RGS7BP: variants seen among roughly 807,000 people sequenced by gnomAD.
The protein encoded by RGS7BP is regulator of G protein signaling 7-binding protein.
A neutral mutation model predicts 31.3 loss-of-function variants in RGS7BP; 9 were observed. The observed-to-expected ratio is 0.29, with a 90% CI of 0.17 to 0.50. The LOEUF is 0.50. Ranked by LOEUF, RGS7BP falls within the 20% of genes least tolerant of loss-of-function variation. RGS7BP has a pLI of 0.98. For missense variants in RGS7BP, 274 were observed against 322.0 expected, an observed-to-expected ratio of 0.85 and a Z score of 1.14; for synonymous variants, 115 against 120.1, an observed-to-expected ratio of 0.96 and a Z score of 0.28.
At chr5:64,523,195 T>A (rs1466791648) in intron 2 of RGS7BP, among the ~76,000 whole-genome samples, 1 of 152,018 alleles carries the variant, frequency 6.6e-6, no homozygotes, top group Non-Finnish European at 1.5e-5. Context: ...GGGCCCCAGG[T>A]AGGTGAAGCA....
chr5:64,575,915 T>A lies in RGS7BP; in HGVS notation c.463+11T>A. On this transcript the variant is annotated intron_variant, in intron 3 of 5. Coordinates refer to ENST00000334025, the MANE Select transcript of RGS7BP (RefSeq NM_001029875.3). ...AGTTTCATCGAAAAGGTATCTACAT[T>A]TAATATTGCCGGAAACACTGAGGAA... 1 of 1,603,914 alleles carries A rather than the reference T, an allele frequency of 6.2e-7. No individual in the cohort carries two copies. Among genetic ancestry groups the A allele is most frequent in the Non-Finnish European group, 8.5e-7 (1 of 1,175,892 alleles).
At chr5:64,554,301 G>T (rs1741869963) in intron 2 of RGS7BP, among the ~76,000 whole-genome samples, 1 of 152,240 alleles carries the variant, frequency 6.6e-6, no homozygotes, top group Admixed American at 6.5e-5. Flanking sequence ...CCTTTCAGGT[G>T]CCAGGAACCT....
intron 2 of RGS7BP, among the ~76,000 whole-genome samples, chr5:64,552,237 T>C (rs1741812036): frequency 6.6e-6 from 1 of 152,128 alleles, no homozygotes. Context: ...CCTAAAATGG[T>C]ATTTTAAACT....
chr5:64,566,873 G>T (rs1394603246), intron 2 of RGS7BP, among the ~76,000 whole-genome samples: 2 of 151,922 alleles, frequency 1.3e-5, no homozygotes, highest in Non-Finnish European at 1.5e-5. Flanking sequence ...TCTAAAAACT[G>T]GGATTTCAGG....
In RGS7BP at chr5:64,565,191, A is replaced by G. The variant is rs572600329; in HGVS notation, c.333-10583A>G. Among the ~76,000 whole-genome samples the G allele has an allele frequency of 1.2e-4, 18 of 152,248 alleles. No individual in the cohort carries two copies. The South Asian group carries it at 3.3e-3, about 28-fold the overall frequency. On this transcript the variant is annotated intron_variant, in intron 2 of 5. Transcript: ENST00000334025. ...CTATCAGCTAGGCACTGTTATCCTC[A>G]ATTTATAGATAAGAAAACTAAGACT...
chr5:64,513,377 G>C (rs773107871), intron 2 of RGS7BP, among the ~76,000 whole-genome samples: 1 of 151,884 alleles, frequency 6.6e-6, no homozygotes, highest in Non-Finnish European at 1.5e-5. Flanking sequence ...TTTCTGGGGG[G>C]GTTGGGGTGG....
At chr5:64,528,974 C>CGTTGT (rs1749304344) in intron 2 of RGS7BP, among the ~76,000 whole-genome samples, 2 of 152,014 alleles carry the variant, frequency 1.3e-5, no homozygotes, top group Non-Finnish European at 2.9e-5. Flanking sequence ...ATTATTATTA[C>CGTTGT]AACGTATTCC....
At chr5:64,527,063 A>T (rs1348308534) in intron 2 of RGS7BP, among the ~76,000 whole-genome samples, 1 of 152,230 alleles carries the variant, frequency 6.6e-6, no homozygotes, top group East Asian at 1.9e-4. Flanking sequence ...ACGAAAATGG[A>T]CCAAGAAGTT....
rs565647400 is a variant in RGS7BP at position 64,563,284 on chromosome 5, T to C, written c.333-12490T>C. On this transcript the variant is annotated intron_variant, in intron 2 of 5. Coordinates refer to ENST00000334025, the MANE Select transcript of RGS7BP (RefSeq NM_001029875.3). Reference sequence around the variant, plus strand: ...GGTATGGTTTCTTAAATTCATCAACTGCTTTTTCAAATAGCAATGTTATGA... The same window carrying C: ...GGTATGGTTTCTTAAATTCATCAACCGCTTTTTCAAATAGCAATGTTATGA... Among the ~76,000 whole-genome samples, 3 of 152,256 alleles carry C rather than the reference T, an allele frequency of 2.0e-5. No individual in the cohort carries two copies. The South Asian group carries it at 6.2e-4, about 32-fold the overall frequency.
Position 64,506,666 on chromosome 5 carries a change from G to GGT in RGS7BP, c.42_43insGT (p.Ser15ValfsTer119). The GGT allele has an allele frequency of 1.2e-6, 2 of 1,612,650 alleles. No homozygotes were observed. The highest frequency in any genetic ancestry group is 1.7e-6 in the Non-Finnish European group (2 of 1,178,948). The stretch of plus-strand genomic sequence containing the variant: ...ATGGGCGCAAAAAGCGCCCCAGCCG[G>GGT]TCCACCCGCTCCTCGATCTTCCAGA... On this transcript the variant is annotated frameshift_variant, in exon 1 of 6. Transcript: ENST00000334025. LOFTEE classifies it high-confidence loss of function. This position sits in a 1 kb window ranked among gnomAD's most constrained non-coding sequence, Gnocchi z 4.6.
rs1419432167 is a variant in RGS7BP at position 64,599,340 on chromosome 5, TTTTC to T, written c.682+906_682+909del. 3.9e-5 allele frequency among the ~76,000 whole-genome samples: 6 copies of T among 152,234 alleles called. No homozygotes were observed. In the East Asian group the frequency reaches 1.2e-3, roughly 29 times the overall value. On this transcript the variant is annotated intron_variant, in intron 5 of 5. Transcript: ENST00000334025. Reference sequence around the variant, plus strand: ...GGAGGCAAGAAAGAAACTCTTCTTGTTTTCAGTGAGCAAAGCCTGATGGGAGGGA... The same window carrying T: ...GGAGGCAAGAAAGAAACTCTTCTTGTAGTGAGCAAAGCCTGATGGGAGGGA...
intron 3 of RGS7BP, among the ~76,000 whole-genome samples, chr5:64,578,101 A>G (rs1054296828): frequency 1.3e-5 from 2 of 152,138 alleles, no homozygotes; most frequent in Non-Finnish European, 2.9e-5. Context: ...CCCCATCCAG[A>G]CTGCTTTCTT....
chr5:64,569,388 A>G (rs1561338178), intron 2 of RGS7BP, among the ~76,000 whole-genome samples: 1 of 152,168 alleles, frequency 6.6e-6, no homozygotes, highest in Non-Finnish European at 1.5e-5. Flanking sequence ...GACAAGACTC[A>G]ACTATAATAT....
chr5:64,581,621 G>A (rs548601929), intron 3 of RGS7BP, among the ~76,000 whole-genome samples: 18 of 152,186 alleles, frequency 1.2e-4, no homozygotes, highest in Non-Finnish European at 2.2e-4. Context: ...GGAAAAACAA[G>A]CTACAAATAA....
intron 2 of RGS7BP, among the ~76,000 whole-genome samples, chr5:64,516,051 A>G (rs1203458007): frequency 3.3e-5 from 5 of 152,244 alleles, no homozygotes; most frequent in Non-Finnish European, 5.9e-5. Context: ...CAACACTCCC[A>G]GTTAAGCCTC....
At chr5:64,588,192 T>C (rs1012051903) in intron 3 of RGS7BP, among the ~76,000 whole-genome samples, 1 of 152,170 alleles carries the variant, frequency 6.6e-6, no homozygotes, top group Non-Finnish European at 1.5e-5. Flanking sequence ...ATGTTATCAA[T>C]CAAATAAAAA....
chr5:64,540,676 C>G (rs1741505390), intron 2 of RGS7BP, among the ~76,000 whole-genome samples: 2 of 152,222 alleles, frequency 1.3e-5, no homozygotes. Context: ...GAACCAGACA[C>G]TGAGATGAAA....
chr5:64,592,445 T>C (rs541609725), intron 3 of RGS7BP, among the ~76,000 whole-genome samples: 27 of 152,280 alleles, frequency 1.8e-4, no homozygotes, highest in African/African-American at 6.3e-4. Context: ...GAAAAAGTTA[T>C]GGAAGGGCAT....
chr5:64,586,174 G>A (rs1356309653), intron 3 of RGS7BP, among the ~76,000 whole-genome samples: 1 of 152,152 alleles, frequency 6.6e-6, no homozygotes, highest in Non-Finnish European at 1.5e-5. Context: ...CAAAGGGGGT[G>A]ATGCTGGGGA....
Sources: gnomAD v4.1 joint callset for allele counts (sites outside exome capture counted in the v4.1 genomes callset) on GRCh38, gnomAD v4.1.1 for gene constraint, Gnocchi (gnomAD v3.1) non-coding constraint, MANE v1.5 for transcripts, NCBI Gene and HGNC (gene_info 2026-07-23, HGNC 2026-07-21) for gene names.